Variants in NWD2 observed in about 807,000 individuals in gnomAD.
NWD2 encodes NACHT and WD repeat domain-containing protein 2.
NWD2 carries 37 observed loss-of-function variants against 132.7 expected under a neutral mutation model. That is an observed-to-expected ratio of 0.28 (90% CI 0.21 to 0.37). The LOEUF (loss-of-function observed/expected upper bound fraction) is 0.37, where lower values mean the gene tolerates loss of function less well. Among genes scored for constraint, NWD2 ranks in the 10% least tolerant of loss-of-function variants. The pLI, the probability that NWD2 is intolerant of heterozygous loss-of-function variation, is 1.00. For synonymous variants in NWD2, 705 were observed against 803.0 expected (o/e 0.88, Z 2.06); for missense variants, 1,592 against 2,122.4 (o/e 0.75, Z 4.91).
intron 3 of NWD2, among the ~76,000 whole-genome samples, chr4:37,358,047 T>C (rs984572917): frequency 6.6e-6 from 1 of 152,186 alleles, no homozygotes; most frequent in Admixed American, 6.5e-5. Context: ...TCATCTTTTA[T>C]GATTAAGAGA....
At chr4:37,279,690 C>T (rs1030814113) in intron 1 of NWD2, among the ~76,000 whole-genome samples, 2 of 152,162 alleles carry the variant, frequency 1.3e-5, no homozygotes, top group African/African-American at 4.8e-5. Context: ...TATCACTTTA[C>T]ATGCAGATTA....
chr4:37,359,897 G>A (rs1719945385), intron 3 of NWD2, among the ~76,000 whole-genome samples: 1 of 152,168 alleles, frequency 6.6e-6, no homozygotes, highest in Admixed American at 6.6e-5. Flanking sequence ...CTAGAGTGAG[G>A]GAGCCTGGAC....
chr4:37,342,853 C>G (rs1719555386), intron 2 of NWD2, among the ~76,000 whole-genome samples: 1 of 152,160 alleles, frequency 6.6e-6, no homozygotes, highest in Non-Finnish European at 1.5e-5. Context: ...TGTTGGTCTC[C>G]TTCTTTCTAG....
At chr4:37,369,104 G>A (rs1297638933) in intron 3 of NWD2, among the ~76,000 whole-genome samples, 1 of 152,080 alleles carries the variant, frequency 6.6e-6, no homozygotes, top group Admixed American at 6.6e-5. Flanking sequence ...CAGATTATTA[G>A]CTCTTCCTTC....
intron 3 of NWD2, among the ~76,000 whole-genome samples, chr4:37,418,327 A>T (rs2109321754): frequency 6.6e-6 from 1 of 152,318 alleles, no homozygotes; most frequent in East Asian, 1.9e-4. Context: ...ATTAATACAT[A>T]GGGAAGAAGA....
At chr4:37,373,811 T>C (rs151311308) in intron 3 of NWD2, among the ~76,000 whole-genome samples, 3 of 152,198 alleles carry the variant, frequency 2.0e-5, no homozygotes, top group South Asian at 2.1e-4. Context: ...AACATCAAGT[T>C]TGGATTTTGA....
chr4:37,295,573 A>G (rs1718473657), intron 1 of NWD2, among the ~76,000 whole-genome samples: 1 of 152,072 alleles, frequency 6.6e-6, no homozygotes, highest in Non-Finnish European at 1.5e-5. Flanking sequence ...TTTAATCATC[A>G]TTTGTCTTAT....
intron 2 of NWD2, among the ~76,000 whole-genome samples, chr4:37,348,213 G>T (rs777239240): frequency 2.6e-4 from 39 of 152,170 alleles, no homozygotes; most frequent in Non-Finnish European, 5.4e-4. Context: ...TTGAATTCTA[G>T]TTGGCTAACT....
At chr4:37,316,162 A>G (rs780620918) in intron 1 of NWD2, among the ~76,000 whole-genome samples, 9 of 152,214 alleles carry the variant, frequency 5.9e-5, no homozygotes, top group Admixed American at 6.5e-5. Flanking sequence ...AGTATAGTCT[A>G]TAATGCAGAT....
At chr4:37,261,002 G>A (rs1165231309) in intron 1 of NWD2, among the ~76,000 whole-genome samples, 1 of 152,180 alleles carries the variant, frequency 6.6e-6, no homozygotes, top group African/African-American at 2.4e-5. Context: ...CCTTAAACAA[G>A]TTACTTAATT....
chr4:37,401,556 C>A lies in NWD2; in HGVS notation c.358-29016C>A, dbSNP rs559485168. Among the ~76,000 whole-genome samples, 3 of 152,292 alleles carry A rather than the reference C, an allele frequency of 2.0e-5. No individual in the cohort carries two copies. In the South Asian group the frequency reaches 6.2e-4, roughly 32 times the overall value. On this transcript the variant is annotated intron_variant, in intron 3 of 6. Coordinates refer to ENST00000309447, the MANE Select transcript of NWD2 (RefSeq NM_001144990.2). ...GGCTCCTCATTGATCCCTCCAGCTG[C>A]AGCTGCTTTCTTCCCAGAATTTTAT...
intron 3 of NWD2, among the ~76,000 whole-genome samples, chr4:37,418,524 C>T (rs9998980): frequency 0.44 from 67,308 of 151,732 alleles, 15,058 homozygotes; most frequent in East Asian, 0.51. Context: ...AAAACCAACA[C>T]TGTGTTAGCC....
rs1241523956 is a variant in NWD2 at position 37,264,076 on chromosome 4, C to T, written c.151+18858C>T. Among the ~76,000 whole-genome samples, 3 of 152,132 alleles carry T rather than the reference C, an allele frequency of 2.0e-5. No individual in the cohort carries two copies. In the South Asian group the frequency reaches 6.2e-4, roughly 32 times the overall value. On this transcript the variant is annotated intron_variant, in intron 1 of 6. Coordinates refer to ENST00000309447, the MANE Select transcript of NWD2 (RefSeq NM_001144990.2). ...CTCCATTCATTTCAGATTGGACTGA[C>T]CAACCCATTCAATCAGAGGAGAGTT... is the stretch of plus-strand genomic sequence containing the variant.
chr4:37,350,215 G>A (rs1190772578), intron 2 of NWD2, among the ~76,000 whole-genome samples: 1 of 152,138 alleles, frequency 6.6e-6, no homozygotes, highest in African/African-American at 2.4e-5. Context: ...TCCTAATTCT[G>A]TGAAGAAAGT....
At chr4:37,333,425 T>C (rs1042595221) in intron 2 of NWD2, among the ~76,000 whole-genome samples, 3 of 152,166 alleles carry the variant, frequency 2.0e-5, no homozygotes, top group African/African-American at 7.2e-5. Context: ...TAAGGGAAGA[T>C]AACAAGATCT....
At chr4:37,417,089 T>C (rs986621458) in intron 3 of NWD2, among the ~76,000 whole-genome samples, 1 of 152,078 alleles carries the variant, frequency 6.6e-6, no homozygotes, top group Non-Finnish European at 1.5e-5. Context: ...TACCACCTGT[T>C]CCCCAAAAAC....
intron 3 of NWD2, among the ~76,000 whole-genome samples, chr4:37,423,093 A>G (rs938894601): frequency 6.6e-6 from 1 of 152,144 alleles, no homozygotes; most frequent in Non-Finnish European, 1.5e-5. Flanking sequence ...GAAAATACTT[A>G]ATGTGCTAGA....
chr4:37,423,381 T>G (rs1364451623), intron 3 of NWD2, among the ~76,000 whole-genome samples: 1 of 152,170 alleles, frequency 6.6e-6, no homozygotes, highest in African/African-American at 2.4e-5. Context: ...CAAATATATA[T>G]AGATGACTTA....
chr4:37,365,340 G>A (rs1341534735), intron 3 of NWD2, among the ~76,000 whole-genome samples: 2 of 152,088 alleles, frequency 1.3e-5, no homozygotes. Flanking sequence ...GTGCAGGGGG[G>A]TTTGTATCAT....
Sources: gnomAD v4.1 joint callset for allele counts (sites outside exome capture counted in the v4.1 genomes callset) on GRCh38, gnomAD v4.1.1 for gene constraint, MANE v1.5 for transcripts, NCBI Gene and HGNC (gene_info 2026-07-23, HGNC 2026-07-21) for gene names.